Variants in SERPINB4 observed in about 807,000 individuals in gnomAD.
The protein encoded by SERPINB4 is serpin family B member 4, also known as serpin B4.
A neutral mutation model predicts 33.2 loss-of-function variants in SERPINB4; 39 were observed. That is an observed-to-expected ratio of 1.18 (90% CI 0.91 to 1.53). The LOEUF (loss-of-function observed/expected upper bound fraction) is 1.53, where lower values mean the gene tolerates loss of function less well. Among genes scored for constraint, SERPINB4 ranks in the 40% most tolerant of loss-of-function variants. SERPINB4 has a pLI of 0.00. For missense variants in SERPINB4, 564 were observed against 455.4 expected, an observed-to-expected ratio of 1.24 and a Z score of -2.17; for synonymous variants, 191 against 166.4, an observed-to-expected ratio of 1.15 and a Z score of -1.14.
chr18:63,643,737 G>T lies in SERPINB4; in HGVS notation c.-26-134C>A, dbSNP rs555514130. 5.2e-6 allele frequency: 5 copies of T among 964,930 alleles called. No homozygotes were observed. The Admixed American group carries it at 7.7e-5, about 15-fold the overall frequency. 59.8% of individuals were successfully genotyped at this position (964,930 alleles called of 1,614,324 possible). ...TTAAAGTTTTTCTCTTATTTTTAAC[G>T]CTTCAATCTTTCTACAATGTGCATA... On this transcript the variant is annotated intron_variant, in intron 1 of 7. Coordinates refer to ENST00000341074, the MANE Select transcript of SERPINB4 (RefSeq NM_002974.4).
intron 5 of SERPINB4, among the ~76,000 whole-genome samples, chr18:63,640,027 G>A (rs563065219): frequency 1.2e-4 from 18 of 152,154 alleles, no homozygotes; most frequent in African/African-American, 4.1e-4. Flanking sequence ...AGGAGTTCAC[G>A]TTCTCTGTGT....
rs1333902962 is a variant in SERPINB4 at position 63,641,000 on chromosome 18, T to C, written c.352-9A>G. On this transcript the variant is annotated splice_polypyrimidine_tract_variant and intron_variant, in intron 4 of 7. Coordinates refer to ENST00000341074, the MANE Select transcript of SERPINB4 (RefSeq NM_002974.4). The stretch of plus-strand genomic sequence containing the variant: ...ATGGCATCTAAATATTCCTTTGAGA[T>C]ATGAAGGAAGAAGTAGGAATTAGGA... 4 of 1,599,370 alleles carry C rather than the reference T, an allele frequency of 2.5e-6. No individual in the cohort carries two copies. In the East Asian group the frequency reaches 8.9e-5, roughly 36 times the overall value.
At chr18:63,641,586 G>A (rs553030243) in intron 4 of SERPINB4, among the ~76,000 whole-genome samples, 174 bp downstream of exon 4, 6 of 152,056 alleles carry the variant, frequency 3.9e-5, no homozygotes, top group Admixed American at 6.6e-5. Flanking sequence ...ATGTATCGTT[G>A]GGGTCTGGGA....
At chr18:63,638,848 T>C (rs2144464536) in intron 7 of SERPINB4, among the ~76,000 whole-genome samples, 1 of 147,284 alleles carries the variant, frequency 6.8e-6, no homozygotes, top group South Asian at 2.3e-4. Flanking sequence ...CATTAGGAGA[T>C]ATACCTAACG....
At chr18:63,643,910 G>A (rs933135213) in intron 1 of SERPINB4, among the ~76,000 whole-genome samples, 15 of 151,924 alleles carry the variant, frequency 9.9e-5, no homozygotes, top group African/African-American at 3.6e-4. Flanking sequence ...AATGCTAACA[G>A]GAGACCTCTG....
At chr18:63,640,745 G>A in intron 5 of SERPINB4, 129 bp downstream of exon 5, 1 of 692,890 alleles carries the variant, frequency 1.4e-6, no homozygotes. Context: ...CCTTCATCTG[G>A]AGTGCCCTCT....
chr18:63,639,241 C>T lies in SERPINB4; in HGVS notation c.712G>A (p.Gly238Ser). 1 of 1,612,782 alleles carries T rather than the reference C, an allele frequency of 6.2e-7. No homozygotes were observed. The highest frequency in any genetic ancestry group is 8.5e-7 in the Non-Finnish European group (1 of 1,179,184). ...QAKVLEIPYK[G>S]KDLSMIVLLP... ...AGCACAATCATGCTTAGATCTTTGC[C>T]TTTGTATGGTATTTCCAGGACCTTG... The change falls in exon 7 of 8, where the codon GGC becomes AGC. Residue 238 changes from glycine (G) to serine (S), a missense_variant. By Grantham distance (56) the Gly-to-Ser change is moderately conservative. Coordinates refer to ENST00000341074, the MANE Select transcript of SERPINB4 (RefSeq NM_002974.4).
chr18:63,639,284 C>G lies in SERPINB4; in HGVS notation c.669G>C (p.Leu223Phe). The G allele has an allele frequency of 6.2e-7, 1 of 1,612,538 alleles. No individual in the cohort carries two copies. Among genetic ancestry groups the G allele is most frequent in the Non-Finnish European group, 8.5e-7 (1 of 1,179,074 alleles). ...GGACCTTGGCCTGTACATCCTCCAGCAAGGCAAAATTAAAGGAATTGTATT... is the reference window on the plus strand; with the variant it reads ...GGACCTTGGCCTGTACATCCTCCAGGAAGGCAAAATTAAAGGAATTGTATT... ...MRQYNSFNFA[L>F]LEDVQAKVLE... Residue 223 changes from leucine (L) to phenylalanine (F), a missense_variant, in exon 7 of 8, where the codon TTG becomes TTC. Transcript: ENST00000341074.
chr18:63,641,406 G>T (rs1467426943), intron 4 of SERPINB4, among the ~76,000 whole-genome samples: 1 of 151,998 alleles, frequency 6.6e-6, no homozygotes, highest in African/African-American at 2.4e-5. Context: ...ACCCAAGCCT[G>T]CCCATTCCAA....
In SERPINB4 at chr18:63,637,796, T is replaced by G. The variant is rs1200950782; in HGVS notation, c.1096A>C (p.Asn366His). The G allele has an allele frequency of 1.2e-6, 2 of 1,613,456 alleles. No homozygotes were observed. The highest frequency in any genetic ancestry group is 1.7e-6 in the Non-Finnish European group (2 of 1,179,630). ...CTTATGAAGAATAGGAAAGGGTGAT[T>G]ACAACAGAACTCTTCATTAGTTGAA... is the stretch of plus-strand genomic sequence containing the variant. ...SPSTNEEFCCNHPFLFFIRQN... is the reference protein window; with the variant it reads ...SPSTNEEFCCHHPFLFFIRQN... Residue 366 changes from asparagine (N) to histidine (H), a missense_variant, in exon 8 of 8, where the codon AAT becomes CAT. By Grantham distance (68) the Asn-to-His change is moderately conservative (BLOSUM62 1). Coordinates refer to ENST00000341074, the MANE Select transcript of SERPINB4 (RefSeq NM_002974.4).
In SERPINB4 at chr18:63,643,530, G is replaced by T; in HGVS notation, c.48C>A (p.Phe16Leu). 1 of 1,613,654 alleles carries T rather than the reference G, an allele frequency of 6.2e-7. No individual in the cohort carries two copies. Among genetic ancestry groups the T allele is most frequent in the Non-Finnish European group, 8.5e-7 (1 of 1,179,692 alleles). The stretch of plus-strand genomic sequence containing the variant: ...TCTCTTTTGATTTTCTGAACTGTTG[G>T]AACAGATCGAACATGAACTTGGTGT... ...EANTKFMFDL[F>L]QQFRKSKENN... The change falls in exon 2 of 8, where the codon TTC becomes TTA. Residue 16 changes from phenylalanine (F) to leucine (L), a missense_variant. By Grantham distance (22) the Phe-to-Leu change is conservative (BLOSUM62 0). Transcript: ENST00000341074.
intron 3 of SERPINB4, among the ~76,000 whole-genome samples, chr18:63,642,711 A>G (rs1304808741): frequency 6.6e-6 from 1 of 152,138 alleles, no homozygotes; most frequent in Non-Finnish European, 1.5e-5. Context: ...TCACATTATT[A>G]TGATTAGTAT....
chr18:63,641,143 G>A, intron 4 of SERPINB4, 152 bp from the exon 5 acceptor site: 2 of 651,658 alleles, frequency 3.1e-6, no homozygotes, highest in Non-Finnish European at 5.3e-6. Flanking sequence ...CAGGTGTCAT[G>A]TAGGCAATGC....
intron 7 of SERPINB4, 41 bp downstream of exon 7, chr18:63,639,144 G>A (rs1343967780): frequency 6.5e-7 from 1 of 1,539,808 alleles, no homozygotes; most frequent in East Asian, 2.3e-5. Flanking sequence ...TTGGAAAAAT[G>A]TCCGGCAGTA....
intron 2 of SERPINB4, 96 bp from the exon 3 acceptor site, chr18:63,643,313 G>C: frequency 6.2e-7 from 1 of 1,610,148 alleles, no homozygotes; most frequent in Non-Finnish European, 8.5e-7. Context: ...ACAGCCCCCT[G>C]TGCTACCCAT....
At chr18:63,639,917 G>A in intron 5 of SERPINB4, 141 bp from the exon 6 acceptor site, 1 of 786,586 alleles carries the variant, frequency 1.3e-6, no homozygotes, top group Non-Finnish European at 2.0e-6. Flanking sequence ...TCTTTGAATT[G>A]TTAGACTCAC....
At chr18:63,643,947 A>G (rs1417075869) in intron 1 of SERPINB4, among the ~76,000 whole-genome samples, 1 of 151,828 alleles carries the variant, frequency 6.6e-6, no homozygotes, top group Non-Finnish European at 1.5e-5. Flanking sequence ...AGCTGTTAAG[A>G]TGCGTCCCTG....
At chr18:63,643,300 T>A in intron 2 of SERPINB4, 83 bp from the exon 3 acceptor site, 1 of 1,610,788 alleles carries the variant, frequency 6.2e-7, no homozygotes, top group South Asian at 1.1e-5. Flanking sequence ...TGGGAATTCC[T>A]GCACAGCCCC....
intron 4 of SERPINB4, among the ~76,000 whole-genome samples, 177 bp from the exon 5 acceptor site, chr18:63,641,168 G>A (rs1913118174): frequency 6.6e-6 from 1 of 152,022 alleles, no homozygotes; most frequent in African/African-American, 2.4e-5. Flanking sequence ...GGGGAATGTG[G>A]GCTGGCACAA....
Sources: gnomAD v4.1 joint callset for allele counts (sites outside exome capture counted in the v4.1 genomes callset) on GRCh38, gnomAD v4.1.1 for gene constraint, MANE v1.5 for transcripts, NCBI Gene and HGNC (gene_info 2026-07-23, HGNC 2026-07-21) for gene names.